The following CNTNAP2 variants were observed in gnomAD, a reference collection of about 807,000 sequenced individuals.
The protein encoded by CNTNAP2 is contactin associated protein 2.
Under a neutral mutation model 155.2 loss-of-function variants are expected in CNTNAP2, and 98 were observed. That is an observed-to-expected ratio of 0.63 (90% CI 0.54 to 0.75). The LOEUF (loss-of-function observed/expected upper bound fraction) is 0.75. Among genes scored for constraint, CNTNAP2 ranks in the 30% least tolerant of loss-of-function variants. CNTNAP2 has a pLI of 0.00. For missense variants in CNTNAP2, 1,727 were observed against 1,688.1 expected (o/e 1.02, Z -0.40); for synonymous variants, 651 against 631.2 (o/e 1.03, Z -0.47).
chr7:146,362,635 A>T (rs1213583905), intron 1 of CNTNAP2, among the ~76,000 whole-genome samples: 1 of 152,148 alleles, frequency 6.6e-6, no homozygotes, highest in Non-Finnish European at 1.5e-5. Context: ...CAGGTCATGT[A>T]AGGCCTTGTA....
intron 5 of CNTNAP2, among the ~76,000 whole-genome samples, chr7:147,112,572 A>G (rs1421174771): frequency 6.6e-6 from 1 of 152,122 alleles, no homozygotes; most frequent in Non-Finnish European, 1.5e-5. Flanking sequence ...GAGAGTTTTT[A>G]ATATAAAGGG....
intron 17 of CNTNAP2, among the ~76,000 whole-genome samples, chr7:148,157,586 A>AAAAAAAAAAAT (rs1554398712): frequency 2.0e-5 from 3 of 150,882 alleles, no homozygotes; most frequent in Non-Finnish European, 4.4e-5. Flanking sequence ...AAAAAAAAAA[A>AAAAAAAAAAAT]GTCACAGAGA....
At chr7:148,324,889 A>G (rs1327072954) in intron 21 of CNTNAP2, among the ~76,000 whole-genome samples, 1 of 152,194 alleles carries the variant, frequency 6.6e-6, no homozygotes, top group Non-Finnish European at 1.5e-5. Flanking sequence ...CATGTATTGA[A>G]TGAATGAACT....
chr7:146,895,759 C>T (rs977708736), intron 3 of CNTNAP2, among the ~76,000 whole-genome samples: 4 of 151,970 alleles, frequency 2.6e-5, no homozygotes, highest in Non-Finnish European at 5.9e-5. Context: ...CAATGGGAGA[C>T]CCTCAAATGG....
intron 13 of CNTNAP2, among the ~76,000 whole-genome samples, chr7:147,808,857 T>C (rs1437745682): frequency 1.3e-5 from 2 of 152,238 alleles, no homozygotes; most frequent in Non-Finnish European, 2.9e-5. Flanking sequence ...TGGTTAGGAA[T>C]ACACATGCTT....
chr7:147,282,622 A>T (rs997571073), intron 8 of CNTNAP2, among the ~76,000 whole-genome samples: 1 of 151,950 alleles, frequency 6.6e-6, no homozygotes, highest in Non-Finnish European at 1.5e-5. Flanking sequence ...TGGACTCTCT[A>T]CAGTTTAAAG....
chr7:147,033,555 G>T (rs1214882135), intron 3 of CNTNAP2, among the ~76,000 whole-genome samples: 2 of 151,810 alleles, frequency 1.3e-5, no homozygotes, highest in African/African-American at 4.8e-5. Flanking sequence ...AATGGTAATA[G>T]AACTGGTTTT....
chr7:147,800,905 C>G (rs1797972587), intron 13 of CNTNAP2, among the ~76,000 whole-genome samples: 1 of 152,176 alleles, frequency 6.6e-6, no homozygotes, highest in African/African-American at 2.4e-5. Flanking sequence ...ACATACTGTA[C>G]AGGTTTGCAG....
rs185997339 is a variant in CNTNAP2 at position 146,737,360 on chromosome 7, G to A, written c.98-36911G>A. Among the ~76,000 whole-genome samples, 430 of 152,098 alleles carry A rather than the reference G, an allele frequency of 2.8e-3. 4 individuals are homozygous for A. The highest frequency in any genetic ancestry group is 9.8e-3 in the African/African-American group (407 of 41,524). On this transcript the variant is annotated intron_variant, in intron 1 of 23. Coordinates refer to ENST00000361727, the MANE Select transcript of CNTNAP2 (RefSeq NM_014141.6). The stretch of plus-strand genomic sequence containing the variant: ...ATTATAGTCACCATGTTATACAATA[G>A]AACTCTTGAATTTATAACTTCTGTT...
intron 11 of CNTNAP2, among the ~76,000 whole-genome samples, chr7:147,529,803 A>T (rs564592692): frequency 1.3e-5 from 2 of 152,342 alleles, no homozygotes; most frequent in South Asian, 2.1e-4. Flanking sequence ...AGAGCCGGAT[A>T]AAAAGATTTT....
intron 21 of CNTNAP2, among the ~76,000 whole-genome samples, chr7:148,375,753 G>A (rs1798972035): frequency 6.6e-6 from 1 of 151,684 alleles, no homozygotes; most frequent in African/African-American, 2.4e-5. Flanking sequence ...CCAACACTTT[G>A]GGAGGCCGAG....
intron 10 of CNTNAP2, among the ~76,000 whole-genome samples, chr7:147,421,907 C>T (rs2116509659): frequency 6.6e-6 from 1 of 151,930 alleles, no homozygotes; most frequent in Admixed American, 6.6e-5. Context: ...CCCTCTTGGC[C>T]TTTTTCCATA....
At chr7:146,334,439 A>AAC (rs559755639) in intron 1 of CNTNAP2, among the ~76,000 whole-genome samples, 3,338 of 151,940 alleles carry the variant, frequency 0.022, 146 homozygotes, top group African/African-American at 0.077. Flanking sequence ...TCAAAAAAAA[A>AAC]AAAAAAAAGC....
intron 8 of CNTNAP2, among the ~76,000 whole-genome samples, chr7:147,202,234 C>T (rs1240594698): frequency 1.8e-5 from 1 of 56,994 alleles, no homozygotes; most frequent in East Asian, 3.0e-4. Context: ...ATCGGGCTAG[C>T]CTGATTTAAA....
At chr7:147,054,635 A>T (rs1425656932) in intron 4 of CNTNAP2, among the ~76,000 whole-genome samples, 1 of 152,102 alleles carries the variant, frequency 6.6e-6, no homozygotes, top group African/African-American at 2.4e-5. Context: ...GTTAGTTTTC[A>T]TTATCACCTA....
chr7:148,395,614 AAG>A (rs1292095212), intron 22 of CNTNAP2, among the ~76,000 whole-genome samples: 1 of 152,060 alleles, frequency 6.6e-6, no homozygotes, highest in Non-Finnish European at 1.5e-5. Flanking sequence ...GAAATAATCA[AAG>A]AGCAAAACGT....
At chr7:147,565,577 G>T (rs1800155141) in intron 12 of CNTNAP2, among the ~76,000 whole-genome samples, 1 of 152,110 alleles carries the variant, frequency 6.6e-6, no homozygotes, top group Non-Finnish European at 1.5e-5. Flanking sequence ...GGTAGGGATG[G>T]TTTAAAGTGA....
intron 8 of CNTNAP2, among the ~76,000 whole-genome samples, chr7:147,210,776 G>C (rs1370475616): frequency 6.6e-6 from 1 of 151,648 alleles, no homozygotes; most frequent in East Asian, 1.9e-4. Context: ...TTGTATCTCT[G>C]TTTTCATTTA....
chr7:146,997,206 G>A (rs1189802697), intron 3 of CNTNAP2, among the ~76,000 whole-genome samples: 2 of 151,932 alleles, frequency 1.3e-5, no homozygotes, highest in African/African-American at 2.4e-5. Context: ...GTTAGTTGTG[G>A]GATTTTCATA....
Sources: allele counts gnomAD v4.1 joint callset (sites outside exome capture counted in the v4.1 genomes callset), GRCh38; gene constraint gnomAD v4.1.1; transcripts MANE v1.5; gene names NCBI Gene and HGNC (gene_info 2026-07-23, HGNC 2026-07-21).